CCBE1: variants seen among roughly 807,000 people sequenced by gnomAD.
The protein encoded by CCBE1 is collagen and calcium-binding EGF domain-containing protein 1.
Under a neutral mutation model 50.0 loss-of-function variants are expected in CCBE1, and 37 were observed. The observed-to-expected ratio is 0.74, with a 90% confidence interval of 0.57 to 0.97. The LOEUF is 0.97. CCBE1 is among the 50% of genes least tolerant of loss of function. The pLI, the probability that CCBE1 is intolerant of heterozygous loss-of-function variation, is 0.00. For synonymous variants in CCBE1, 234 were observed against 203.7 expected (o/e 1.15, Z -1.27); for missense variants, 538 against 523.8 (o/e 1.03, Z -0.26).
intron 2 of CCBE1, among the ~76,000 whole-genome samples, chr18:59,539,719 C>T (rs1468122444): frequency 6.6e-6 from 1 of 152,160 alleles, no homozygotes; most frequent in Non-Finnish European, 1.5e-5. Flanking sequence ...TTCCTTAAAA[C>T]TCCCATTTAA....
At chr18:59,592,358 C>T (rs1254367698) in intron 2 of CCBE1, among the ~76,000 whole-genome samples, 1 of 152,098 alleles carries the variant, frequency 6.6e-6, no homozygotes. Context: ...ACAAGTATTC[C>T]AAAGTCTGGA....
chr18:59,627,567 C>T (rs571940965), intron 2 of CCBE1, among the ~76,000 whole-genome samples: 10 of 152,254 alleles, frequency 6.6e-5, no homozygotes, highest in African/African-American at 1.4e-4. Flanking sequence ...TGGCTTAGAG[C>T]GGGACCTAAT....
At chr18:59,509,887 C>T (rs1382329091) in intron 2 of CCBE1, among the ~76,000 whole-genome samples, 1 of 152,108 alleles carries the variant, frequency 6.6e-6, no homozygotes, top group African/African-American at 2.4e-5. Context: ...AACATGTTTT[C>T]AAAGCGATGT....
intron 2 of CCBE1, among the ~76,000 whole-genome samples, chr18:59,527,955 G>A (rs776813438): frequency 1.9e-4 from 29 of 152,210 alleles, no homozygotes; most frequent in African/African-American, 6.0e-4. Flanking sequence ...ATTGTGTGTC[G>A]TGGGGTTGAT....
chr18:59,632,949 C>A (rs564735301), intron 2 of CCBE1, among the ~76,000 whole-genome samples: 1 of 152,186 alleles, frequency 6.6e-6, no homozygotes, highest in Admixed American at 6.5e-5. Flanking sequence ...GGAGAGTAGA[C>A]CAAGGGGAGG....
chr18:59,491,706 C>T (rs779743436), intron 2 of CCBE1, among the ~76,000 whole-genome samples: 71 of 151,646 alleles, frequency 4.7e-4, no homozygotes, highest in Non-Finnish European at 7.1e-4. Flanking sequence ...CCCAGCTACT[C>T]GGGAGGCTGA....
intron 2 of CCBE1, among the ~76,000 whole-genome samples, chr18:59,627,564 G>C (rs79490699): frequency 1.3e-5 from 2 of 152,152 alleles, no homozygotes; most frequent in East Asian, 1.9e-4. Context: ...CACTGGCTTA[G>C]AGCGGGACCT....
At chr18:59,665,239 G>T (rs1300151232) in intron 2 of CCBE1, among the ~76,000 whole-genome samples, 1 of 151,994 alleles carries the variant, frequency 6.6e-6, no homozygotes. Context: ...GCTAATAACT[G>T]CAACTTCAGG....
intron 2 of CCBE1, among the ~76,000 whole-genome samples, chr18:59,549,725 G>GTCCC (rs1317901161): frequency 2.6e-5 from 4 of 152,132 alleles, no homozygotes; most frequent in African/African-American, 9.7e-5. Context: ...CAATTAACTT[G>GTCCC]TCCCTAGCAA....
chr18:59,462,632 C>A (rs1322439648), intron 5 of CCBE1: 1 of 152,154 alleles, frequency 6.6e-6, no homozygotes, highest in Non-Finnish European at 1.5e-5. Flanking sequence ...GATCCTCCCA[C>A]CCTGGCCTCC....
At chr18:59,514,693 G>T (rs1035777327) in intron 2 of CCBE1, among the ~76,000 whole-genome samples, 17 of 140,778 alleles carry the variant, frequency 1.2e-4, no homozygotes, top group Middle Eastern at 4.7e-3. Context: ...AGCGGCATCT[G>T]CTGACTTTAA....
intron 2 of CCBE1, among the ~76,000 whole-genome samples, chr18:59,646,585 G>A (rs529650600): frequency 3.3e-5 from 5 of 152,278 alleles, no homozygotes; most frequent in East Asian, 3.9e-4. Context: ...CAACCCCTGC[G>A]AGATTAAACA....
At chr18:59,515,438 T>C (rs1402091701) in intron 2 of CCBE1, among the ~76,000 whole-genome samples, 3 of 152,168 alleles carry the variant, frequency 2.0e-5, no homozygotes, top group Admixed American at 2.0e-4. Context: ...CCATAAATGG[T>C]ATCATTTCCA....
intron 2 of CCBE1, among the ~76,000 whole-genome samples, chr18:59,533,663 TGTAA>T (rs1420701641): frequency 2.6e-5 from 4 of 152,200 alleles, no homozygotes; most frequent in Non-Finnish European, 4.4e-5. Context: ...TCAAGACCTG[TGTAA>T]GTATCATCCA....
chr18:59,465,901 G>C (rs111928553), intron 5 of CCBE1, among the ~76,000 whole-genome samples: 1 of 152,114 alleles, frequency 6.6e-6, no homozygotes, highest in Non-Finnish European at 1.5e-5. Flanking sequence ...CACCACTTCA[G>C]CTTGGTGGAG....
chr18:59,616,311 G>T (rs538536368), intron 2 of CCBE1, among the ~76,000 whole-genome samples: 1 of 152,266 alleles, frequency 6.6e-6, no homozygotes, highest in African/African-American at 2.4e-5. Flanking sequence ...AGCCAGAGGC[G>T]GCCCTGAAAA....
chr18:59,642,310 A>G (rs2054000462), intron 2 of CCBE1, among the ~76,000 whole-genome samples: 1 of 152,230 alleles, frequency 6.6e-6, no homozygotes, highest in African/African-American at 2.4e-5. Flanking sequence ...TTATACCCAC[A>G]TGGAAAAAAT....
In CCBE1 at chr18:59,522,993, C is replaced by CAAAAAAAAAAAAAAAAAAAA. The variant is rs57217059; in HGVS notation, c.213-42775_213-42756dup. Reference sequence around the variant, plus strand: ...GGCAACAGAGTGAGAGACTCTGTTTCAAAAAAAAAAAAAAAAAAAATTCTC... The same window carrying CAAAAAAAAAAAAAAAAAAAA: ...GGCAACAGAGTGAGAGACTCTGTTTCAAAAAAAAAAAAAAAAAAAAAAAAAAAAAAAAAAAAAAAATTCTC... On this transcript the variant is annotated intron_variant, in intron 2 of 10. Transcript: ENST00000439986. 2.7e-3 allele frequency among the ~76,000 whole-genome samples: 244 copies of CAAAAAAAAAAAAAAAAAAAA among 89,166 alleles called. 23 individuals carry two copies. The highest frequency in any genetic ancestry group is 5.4e-3 in the East Asian group (18 of 3,352). 58.5% of individuals were successfully genotyped at this position (89,166 alleles called of 152,430 possible).
chr18:59,580,213 A>T (rs2053062262), intron 2 of CCBE1, among the ~76,000 whole-genome samples: 1 of 152,186 alleles, frequency 6.6e-6, no homozygotes, highest in South Asian at 2.1e-4. Context: ...AAATAAACAC[A>T]TATCTGATCG....
Sources: allele counts gnomAD v4.1 joint callset (sites outside exome capture counted in the v4.1 genomes callset), GRCh38; gene constraint gnomAD v4.1.1; transcripts MANE v1.5; gene names NCBI Gene and HGNC (gene_info 2026-07-23, HGNC 2026-07-21).